CACNB4: variants seen among roughly 807,000 people sequenced by gnomAD.
CACNB4 encodes voltage-dependent L-type calcium channel subunit beta-4.
CACNB4 carries 32 observed loss-of-function variants against 71.2 expected under a neutral mutation model. The observed-to-expected ratio is 0.45, with a 90% confidence interval of 0.34 to 0.60. The LOEUF (loss-of-function observed/expected upper bound fraction) is 0.60. CACNB4 is among the 20% of genes least tolerant of loss of function. CACNB4 has a pLI of 0.01. For missense variants in CACNB4, 464 were observed against 647.9 expected (o/e 0.72, Z 3.08); for synonymous variants, 231 against 236.9 (o/e 0.97, Z 0.23).
intron 2 of CACNB4, among the ~76,000 whole-genome samples, chr2:151,963,373 C>T (rs1041934387): frequency 6.6e-6 from 1 of 150,432 alleles, no homozygotes; most frequent in Non-Finnish European, 1.5e-5. Context: ...CTACAGATTG[C>T]GTCATTCTAA....
chr2:151,982,295 G>A (rs867799804), intron 2 of CACNB4, among the ~76,000 whole-genome samples: 17 of 151,916 alleles, frequency 1.1e-4, no homozygotes, highest in African/African-American at 2.4e-4. Flanking sequence ...AATACAATAG[G>A]AGTGAAAGTC....
chr2:151,982,847 G>A (rs1050916594), intron 2 of CACNB4, among the ~76,000 whole-genome samples: 5 of 152,148 alleles, frequency 3.3e-5, no homozygotes, highest in African/African-American at 1.2e-4. Context: ...GGCTCAACCT[G>A]ACTAATTCCA....
chr2:151,949,159 T>TA (rs372269622), intron 2 of CACNB4, among the ~76,000 whole-genome samples: 1 of 151,572 alleles, frequency 6.6e-6, no homozygotes, highest in East Asian at 1.9e-4. Flanking sequence ...ACACGTATGA[T>TA]ACCTATTGCT....
At chr2:152,048,171 T>TACTCACTA (rs1560160680) in intron 2 of CACNB4, among the ~76,000 whole-genome samples, 1 of 152,116 alleles carries the variant, frequency 6.6e-6, no homozygotes, top group Non-Finnish European at 1.5e-5. Flanking sequence ...ACAGCATCCC[T>TACTCACTA]GGTCTCTACT....
At chr2:151,893,692 C>G (rs2099851334) in intron 2 of CACNB4, among the ~76,000 whole-genome samples, 1 of 151,956 alleles carries the variant, frequency 6.6e-6, no homozygotes, top group South Asian at 2.1e-4. Context: ...AAATAGCATG[C>G]CAAAAAGTTC....
chr2:152,058,073 C>T (rs1284122334), intron 2 of CACNB4, among the ~76,000 whole-genome samples: 1 of 152,190 alleles, frequency 6.6e-6, no homozygotes, highest in Non-Finnish European at 1.5e-5. Flanking sequence ...TTGCTCCTCA[C>T]TCTTCTCTCT....
intron 2 of CACNB4, among the ~76,000 whole-genome samples, chr2:152,028,092 G>T (rs1397475214): frequency 6.6e-6 from 1 of 152,100 alleles, no homozygotes; most frequent in African/African-American, 2.4e-5. Context: ...GACAAGGATC[G>T]CCTGAGCAGA....
At chr2:151,944,032 T>TC (rs2099864943) in intron 2 of CACNB4, among the ~76,000 whole-genome samples, 2 of 151,026 alleles carry the variant, frequency 1.3e-5, no homozygotes, top group South Asian at 4.2e-4. Flanking sequence ...TCTTTCTTTT[T>TC]TTTTTTTTTT....
intron 12 of CACNB4, among the ~76,000 whole-genome samples, chr2:151,845,752 A>C (rs1051825255): frequency 2.6e-5 from 4 of 152,222 alleles, no homozygotes; most frequent in Admixed American, 2.6e-4. Flanking sequence ...AAGCATGGCC[A>C]CAGGGAACAC....
chr2:152,023,235 G>T (rs933170827), intron 2 of CACNB4, among the ~76,000 whole-genome samples: 1 of 151,980 alleles, frequency 6.6e-6, no homozygotes, highest in Non-Finnish European at 1.5e-5. Flanking sequence ...CAGCATGGGG[G>T]ATACTGCCCC....
intron 2 of CACNB4, among the ~76,000 whole-genome samples, chr2:152,048,252 T>G (rs372904018): frequency 6.6e-6 from 1 of 152,250 alleles, no homozygotes; most frequent in African/African-American, 2.4e-5. Flanking sequence ...TTACCAAAAG[T>G]TCCCTGGGGG....
intron 2 of CACNB4, among the ~76,000 whole-genome samples, chr2:151,975,011 C>T (rs1380889410): frequency 6.6e-6 from 1 of 152,170 alleles, no homozygotes; most frequent in Non-Finnish European, 1.5e-5. Flanking sequence ...TCAGCTTTGC[C>T]ACTAATTGGT....
chr2:152,047,163 G>A (rs1307931359), intron 2 of CACNB4, among the ~76,000 whole-genome samples: 2 of 152,204 alleles, frequency 1.3e-5, no homozygotes, highest in African/African-American at 2.4e-5. Context: ...TTAGACTCAC[G>A]AGATGCTTGG....
chr2:152,067,965 A>G (rs1337496015), intron 2 of CACNB4, among the ~76,000 whole-genome samples: 1 of 152,198 alleles, frequency 6.6e-6, no homozygotes, highest in Admixed American at 6.5e-5. Flanking sequence ...TGCATTAACT[A>G]TTAACTCAAA....
rs150646180 is a variant in CACNB4, at chr2:151,945,390, C to T, written c.148-62020G>A. Among the ~76,000 whole-genome samples the T allele has an allele frequency of 3.7e-3, 569 of 152,282 alleles. 5 individuals carry two copies. The highest frequency in any genetic ancestry group is 0.012 in the African/African-American group (513 of 41,564). On this transcript the variant is annotated intron_variant, in intron 2 of 13. Transcript: ENST00000539935. Reference sequence around the variant, plus strand: ...CCTCATCTTAACAATGGGGATAGGCCGGGCATGATGGCTCATGCCTGTAAT... The same window carrying T: ...CCTCATCTTAACAATGGGGATAGGCTGGGCATGATGGCTCATGCCTGTAAT...
intron 2 of CACNB4, among the ~76,000 whole-genome samples, chr2:151,925,891 C>T (rs1036518907): frequency 6.6e-6 from 1 of 151,968 alleles, no homozygotes; most frequent in Non-Finnish European, 1.5e-5. Context: ...GGTGTTTGAC[C>T]CAAGCAACTA....
At position 151,932,315 on chromosome 2, in the gene CACNB4, G is replaced by A. The variant is rs569480217; in HGVS notation, c.148-48945C>T. Among the ~76,000 whole-genome samples, 21 of 152,176 alleles carry A rather than the reference G, an allele frequency of 1.4e-4. No homozygotes were observed. The South Asian group carries it at 4.4e-3, about 32-fold the overall frequency. ...TGGAAGAAAGAATCTGTGCCAGGAT[G>A]ACAAATTTTTACCAGATCTCAAGGC... is the stretch of plus-strand genomic sequence containing the variant. On this transcript the variant is annotated intron_variant, in intron 2 of 13. Transcript: ENST00000539935.
At chr2:151,974,418 G>C (rs1200447396) in intron 2 of CACNB4, among the ~76,000 whole-genome samples, 1 of 152,184 alleles carries the variant, frequency 6.6e-6, no homozygotes, top group Non-Finnish European at 1.5e-5. Context: ...AAGATTTCTT[G>C]TGGGAATTTC....
chr2:151,891,890 C>T (rs909671355), intron 2 of CACNB4, among the ~76,000 whole-genome samples: 2 of 152,130 alleles, frequency 1.3e-5, no homozygotes, highest in Non-Finnish European at 2.9e-5. Context: ...GAAACCCACC[C>T]TGCCTAGTCA....
Sources: allele counts gnomAD v4.1 joint callset (sites outside exome capture counted in the v4.1 genomes callset), GRCh38; gene constraint gnomAD v4.1.1; transcripts MANE v1.5; gene names NCBI Gene and HGNC (gene_info 2026-07-23, HGNC 2026-07-21).